The following CLDN14 variants were observed in gnomAD, a reference collection of about 807,000 sequenced individuals.
The protein encoded by CLDN14 is claudin 14.
CLDN14 carries 2 observed loss-of-function variants against 2.1 expected under a neutral mutation model. The observed-to-expected ratio is 0.96, with a 90% CI of 0.39 to 3.01. The LOEUF is 3.01. Ranked by LOEUF, CLDN14 falls within the 30% of genes most tolerant of loss-of-function variation. The probability of loss-of-function intolerance (pLI) is 0.09; values close to 1 mark genes in which losing one functional copy is unlikely to be tolerated. For missense variants in CLDN14, 298 were observed against 328.0 expected (o/e 0.91, Z 0.71); for synonymous variants, 136 against 154.4 (o/e 0.88, Z 0.88).
intron 1 of CLDN14, among the ~76,000 whole-genome samples, chr21:36,546,960 G>A (rs2087529901): frequency 6.6e-6 from 1 of 152,192 alleles, no homozygotes; most frequent in Non-Finnish European, 1.5e-5. Context: ...GAGGAGTGTT[G>A]CTCTTGGCAT....
chr21:36,486,388 C>T, intron 2 of CLDN14: 1 of 1,027,852 alleles, frequency 9.7e-7, no homozygotes, highest in Non-Finnish European at 1.5e-6. Context: ...GAGGCTGCAG[C>T]TGCTCGTCTG....
chr21:36,526,663 T>C (rs1386867423), intron 1 of CLDN14: 2 of 152,136 alleles, frequency 1.3e-5, no homozygotes, highest in Non-Finnish European at 2.9e-5. Flanking sequence ...AAATGGAGTG[T>C]TCATTCAAAT....
At chr21:36,519,712 A>AAGC (rs1555850998) in intron 1 of CLDN14, among the ~76,000 whole-genome samples, 72 of 72,944 alleles carry the variant, frequency 9.9e-4, no homozygotes, top group Non-Finnish European at 2.3e-3. Context: ...CCTGTCTAAA[A>AAGC]AACAACAACA....
At chr21:36,550,268 C>T (rs1022087344) in intron 1 of CLDN14, among the ~76,000 whole-genome samples, 7 of 152,196 alleles carry the variant, frequency 4.6e-5, no homozygotes, top group African/African-American at 1.7e-4. Context: ...ATTCACTGAA[C>T]TTTCTCAGGG....
At chr21:36,473,736 G>A (rs1230440234) in intron 1 of CLDN14, among the ~76,000 whole-genome samples, 1 of 152,194 alleles carries the variant, frequency 6.6e-6, no homozygotes, top group African/African-American at 2.4e-5. Context: ...AGGAGCAGGG[G>A]CTCCAGGGCT....
At chr21:36,574,677 C>T (rs1461228696) in intron 1 of CLDN14, among the ~76,000 whole-genome samples, 3 of 152,074 alleles carry the variant, frequency 2.0e-5, no homozygotes, top group South Asian at 2.1e-4. Context: ...ACTGAACCCC[C>T]GGTAGCTGTG....
chr21:36,539,335 G>T (rs574569121), intron 1 of CLDN14, among the ~76,000 whole-genome samples: 1 of 151,778 alleles, frequency 6.6e-6, no homozygotes, highest in South Asian at 2.1e-4. Context: ...TGGAGTGTGT[G>T]TGGAGTGAGT....
intron 1 of CLDN14, among the ~76,000 whole-genome samples, chr21:36,562,855 C>G (rs920883655): frequency 6.6e-6 from 1 of 152,098 alleles, no homozygotes; most frequent in African/African-American, 2.4e-5. Context: ...ATAACCCTGG[C>G]TTCATGGGTA....
At chr21:36,568,105 C>T (rs143202891) in intron 1 of CLDN14, among the ~76,000 whole-genome samples, 104 of 152,214 alleles carry the variant, frequency 6.8e-4, no homozygotes, top group African/African-American at 2.5e-3. Flanking sequence ...TATTAAAGGA[C>T]AAGTGGGAGG....
At chr21:36,530,181 G>C (rs1259311690) in intron 1 of CLDN14, among the ~76,000 whole-genome samples, 6 of 152,194 alleles carry the variant, frequency 3.9e-5, no homozygotes, top group African/African-American at 7.2e-5. Flanking sequence ...TTTTAACAAG[G>C]GTAGAAGCAT....
chr21:36,481,320 G>A (rs139762897), upstream of CLDN14, among the ~76,000 whole-genome samples: 27 of 152,284 alleles, frequency 1.8e-4, no homozygotes, highest in Non-Finnish European at 3.1e-4. Flanking sequence ...TAGAATCATC[G>A]CCTTTGCTGA....
chr21:36,482,419 T>TGGATAGAC (rs1435203075), upstream of CLDN14, among the ~76,000 whole-genome samples: 1 of 147,308 alleles, frequency 6.8e-6, no homozygotes, highest in Non-Finnish European at 1.5e-5. Context: ...GACGGATGGA[T>TGGATAGAC]GGATGGATGG....
intron 1 of CLDN14, among the ~76,000 whole-genome samples, chr21:36,531,016 A>G (rs1241035806): frequency 6.6e-6 from 1 of 152,150 alleles, no homozygotes; most frequent in Non-Finnish European, 1.5e-5. Flanking sequence ...AGATCACTTG[A>G]GGTCAGGAGT....
chr21:36,482,432 G>GGATT (rs1390130858), upstream of CLDN14, among the ~76,000 whole-genome samples: 1 of 150,638 alleles, frequency 6.6e-6, no homozygotes, highest in Non-Finnish European at 1.5e-5. Flanking sequence ...ATGGATGGAT[G>GGATT]GATGGATGGA....
chr21:36,490,900 C>A lies in CLDN14; in HGVS notation c.-82+19463G>T, dbSNP rs539881240. On this transcript the variant is annotated intron_variant, in intron 2 of 2. Coordinates refer to the CLDN14 transcript ENST00000342108. ...CACATGAACATATTCAGATATGCAT[C>A]AACGTGCACATATGCCAACACGTGT... Among the ~76,000 whole-genome samples, 9 of 151,854 alleles carry A rather than the reference C, an allele frequency of 5.9e-5. No homozygotes were observed. The South Asian group carries it at 1.9e-3, about 32-fold the overall frequency.
In CLDN14 at chr21:36,563,374, G is replaced by T. The variant is rs559180866; in HGVS notation, c.-220+13037C>A. 6.6e-5 allele frequency among the ~76,000 whole-genome samples: 10 copies of T among 151,916 alleles called. No homozygotes were observed. The South Asian group carries it at 2.1e-3, about 32-fold the overall frequency. On this transcript the variant is annotated intron_variant, in intron 1 of 2. Transcript: ENST00000342108. ...GATATGTTGGCCTGGTTTCCTTACC[G>T]TAGCGCTCTCTGTTAATAACTAAAC... is the stretch of plus-strand genomic sequence containing the variant.
At chr21:36,540,080 G>A (rs1185528859) in intron 1 of CLDN14, among the ~76,000 whole-genome samples, 2 of 150,834 alleles carry the variant, frequency 1.3e-5, no homozygotes, top group Non-Finnish European at 3.0e-5. Flanking sequence ...GTGAGTGTGT[G>A]TTGTGTGGTG....
At chr21:36,570,011 C>T (rs1369246044) in intron 1 of CLDN14, among the ~76,000 whole-genome samples, 1 of 152,212 alleles carries the variant, frequency 6.6e-6, no homozygotes, top group Non-Finnish European at 1.5e-5. Flanking sequence ...GGTCAGGGTA[C>T]AGCTTGCTCT....
chr21:36,547,339 G>C (rs2146514790), intron 1 of CLDN14, among the ~76,000 whole-genome samples: 1 of 152,234 alleles, frequency 6.6e-6, no homozygotes, highest in South Asian at 2.1e-4. Context: ...AATGCATGCA[G>C]GTCTTACCTA....
Sources: allele counts gnomAD v4.1 joint callset (sites outside exome capture counted in the v4.1 genomes callset), GRCh38; gene constraint gnomAD v4.1.1; transcripts MANE v1.5; gene names NCBI Gene and HGNC (gene_info 2026-07-23, HGNC 2026-07-21).